The following ERO1A variants were observed in gnomAD, a reference collection of about 807,000 sequenced individuals.
The protein encoded by ERO1A is endoplasmic reticulum oxidoreductase 1 alpha.
In ERO1A, 49 loss-of-function variants were observed where a neutral mutation model predicts 76.9. The observed-to-expected ratio is 0.64, with a 90% CI of 0.51 to 0.81. The LOEUF (loss-of-function observed/expected upper bound fraction) is 0.81, where lower values mean the gene tolerates loss of function less well. ERO1A is among the 30% of genes least tolerant of loss of function. The pLI is 0.00. For synonymous variants in ERO1A, 174 were observed against 181.2 expected, an observed-to-expected ratio of 0.96 and a Z score of 0.32; for missense variants, 448 against 542.1, an observed-to-expected ratio of 0.83 and a Z score of 1.72.
chr14:52,685,083 T>C (rs2041136568), intron 1 of ERO1A, among the ~76,000 whole-genome samples: 1 of 152,048 alleles, frequency 6.6e-6, no homozygotes, highest in Non-Finnish European at 1.5e-5. Flanking sequence ...AATCTACTGA[T>C]AAGGAAGCAA....
Position 52,695,352 on chromosome 14 carries a change from C to G in ERO1A, c.114+16G>C. On this transcript the variant is annotated intron_variant, in intron 1 of 15. Coordinates refer to ENST00000395686, the MANE Select transcript of ERO1A (RefSeq NM_014584.3). ...AGGGCGCCGGGACCCTCAGCACCAA[C>G]GCGCACATCGCTCACCTGGCAGAAG... The G allele has an allele frequency of 7.0e-7, 1 of 1,420,164 alleles. No homozygotes were observed. Among genetic ancestry groups the G allele is most frequent in the Non-Finnish European group, 9.3e-7 (1 of 1,073,188 alleles). 88.0% of individuals were successfully genotyped at this position (1,420,164 alleles called of 1,614,324 possible).
intron 11 of ERO1A, among the ~76,000 whole-genome samples, chr14:52,654,190 T>A (rs2039968090): frequency 6.6e-6 from 1 of 152,174 alleles, no homozygotes; most frequent in Admixed American, 6.5e-5. Flanking sequence ...TTTCTTTGCC[T>A]GGTTCTCATG....
At chr14:52,660,905 G>A (rs1368480930) in intron 9 of ERO1A, among the ~76,000 whole-genome samples, 2 of 152,180 alleles carry the variant, frequency 1.3e-5, no homozygotes, top group Non-Finnish European at 2.9e-5. Context: ...AACCTTAGAA[G>A]CCAGCTCTGA....
At chr14:52,643,991 T>C (rs1041981707) in intron 15 of ERO1A, among the ~76,000 whole-genome samples, 6 of 152,070 alleles carry the variant, frequency 3.9e-5, no homozygotes, top group African/African-American at 9.6e-5. Flanking sequence ...AAATTAAAAA[T>C]TGCCAGGCAT....
intron 1 of ERO1A, among the ~76,000 whole-genome samples, chr14:52,694,176 T>C (rs2041462354): frequency 6.6e-6 from 1 of 152,226 alleles, no homozygotes; most frequent in South Asian, 2.1e-4. Context: ...TTTAAATGTT[T>C]AATCTCGGTG....
chr14:52,644,992 A>G (rs551907864), intron 15 of ERO1A, among the ~76,000 whole-genome samples: 1 of 152,310 alleles, frequency 6.6e-6, no homozygotes, highest in South Asian at 2.1e-4. Flanking sequence ...TTCTTGCATG[A>G]TAGGCCAGAA....
chr14:52,650,069 G>T (rs1279934072), intron 13 of ERO1A, among the ~76,000 whole-genome samples: 1 of 151,786 alleles, frequency 6.6e-6, no homozygotes, highest in African/African-American at 2.4e-5. Context: ...AATTTTAAAA[G>T]TTAGCAGGGC....
At position 52,685,000 on chromosome 14, in the gene ERO1A, T is replaced by C. The variant is rs142772785; in HGVS notation, c.115-1093A>G. Reference sequence around the variant, plus strand: ...GAAAAGAGATCTTTATACTTTGGTCTAGATATCTGCATTTTAAACTACTTT... The same window carrying C: ...GAAAAGAGATCTTTATACTTTGGTCCAGATATCTGCATTTTAAACTACTTT... On this transcript the variant is annotated intron_variant, in intron 1 of 15. Transcript: ENST00000395686. Among the ~76,000 whole-genome samples, 9 of 152,280 alleles carry C rather than the reference T, an allele frequency of 5.9e-5. No homozygotes were observed. The East Asian group carries it at 1.7e-3, about 29-fold the overall frequency.
At chr14:52,645,699 G>T (rs981126723) in intron 15 of ERO1A, among the ~76,000 whole-genome samples, 1 of 151,706 alleles carries the variant, frequency 6.6e-6, no homozygotes, top group South Asian at 2.1e-4. Context: ...GTAATGAAAT[G>T]ATTTCTTCAA....
chr14:52,649,682 GA>G (rs2039786307), intron 13 of ERO1A, among the ~76,000 whole-genome samples: 1 of 151,930 alleles, frequency 6.6e-6, no homozygotes, highest in African/African-American at 2.4e-5. Context: ...AAAATAGTAG[GA>G]AAAAAAGAAG....
At chr14:52,691,533 A>T (rs746388287) in intron 1 of ERO1A, among the ~76,000 whole-genome samples, 30 of 152,122 alleles carry the variant, frequency 2.0e-4, no homozygotes, top group Admixed American at 6.5e-5. Flanking sequence ...TCCATCCACC[A>T]CTCAACATAT....
chr14:52,643,780 A>G (rs1304438546), intron 15 of ERO1A, 150 bp from the exon 16 acceptor site: 1 of 497,868 alleles, frequency 2.0e-6, no homozygotes, highest in Non-Finnish European at 3.5e-6. Flanking sequence ...AATATATTTT[A>G]GTTCTTAATT....
Position 52,671,711 on chromosome 14 carries a change from CA to C in ERO1A, c.435-9del. On this transcript the variant is annotated splice_polypyrimidine_tract_variant and intron_variant, in intron 5 of 15. Transcript: ENST00000395686. Reference sequence around the variant, plus strand: ...GCCTTCTGTGTTTCCTCACTTCAAACAAAGAAAAAAAATAACATTATTATTT... The same window carrying C: ...GCCTTCTGTGTTTCCTCACTTCAAACAAGAAAAAAAATAACATTATTATTT... 6.3e-7 allele frequency: 1 copy of C among 1,592,688 alleles called. No homozygotes were observed. Among genetic ancestry groups the C allele is most frequent in the East Asian group, 2.2e-5 (1 of 44,464 alleles).
intron 13 of ERO1A, among the ~76,000 whole-genome samples, chr14:52,648,344 C>G (rs1162747259): frequency 6.6e-6 from 1 of 152,070 alleles, no homozygotes; most frequent in African/African-American, 2.4e-5. Context: ...AGAAAAATCA[C>G]ACTTTTAACA....
rs1028817128 is a variant in ERO1A, at chr14:52,642,323, A to G, written c.*1247T>C. On this transcript the variant is annotated 3_prime_UTR_variant, in exon 16 of 16. Coordinates refer to ENST00000395686, the MANE Select transcript of ERO1A (RefSeq NM_014584.3). ...TGAGGTGGGAAGATCACTTCAGCCCAGTCGTTCAAGTTCCAGCTTGGGCAA... is the reference window on the plus strand; with the variant it reads ...TGAGGTGGGAAGATCACTTCAGCCCGGTCGTTCAAGTTCCAGCTTGGGCAA... 8 of 152,190 alleles carry G rather than the reference A, an allele frequency of 5.3e-5. No homozygotes were observed. The highest frequency in any genetic ancestry group is 1.9e-4 in the African/African-American group (8 of 41,424). 9.4% of individuals were successfully genotyped at this position (152,190 alleles called of 1,614,324 possible).
intron 15 of ERO1A, among the ~76,000 whole-genome samples, chr14:52,644,241 T>A (rs1208010649): frequency 6.6e-6 from 1 of 151,948 alleles, no homozygotes; most frequent in African/African-American, 2.4e-5. Context: ...ACCACTTGAG[T>A]CCAGGAGTTT....
At chr14:52,646,546 C>T in intron 13 of ERO1A, 85 bp from the exon 14 acceptor site, 1 of 1,038,638 alleles carries the variant, frequency 9.6e-7, no homozygotes, top group Non-Finnish European at 1.4e-6. Context: ...ATGTGCCTAA[C>T]ACTGTGCAAG....
chr14:52,685,578 G>A (rs1031703351), intron 1 of ERO1A, among the ~76,000 whole-genome samples: 4 of 152,180 alleles, frequency 2.6e-5, no homozygotes, highest in Non-Finnish European at 4.4e-5. Flanking sequence ...AGACTGCAAA[G>A]GCCAAAGGGA....
intron 2 of ERO1A, among the ~76,000 whole-genome samples, chr14:52,683,112 G>A (rs2041054115): frequency 6.6e-6 from 1 of 152,124 alleles, no homozygotes; most frequent in Non-Finnish European, 1.5e-5. Context: ...GGAGGCTGAG[G>A]CAGGAGAATT....
Sources: allele counts gnomAD v4.1 joint callset (sites outside exome capture counted in the v4.1 genomes callset), GRCh38; gene constraint gnomAD v4.1.1; transcripts MANE v1.5; gene names NCBI Gene and HGNC (gene_info 2026-07-23, HGNC 2026-07-21).